The following PATJ variants were observed in gnomAD, a reference collection of about 807,000 sequenced individuals.
PATJ encodes the protein PATJ crumbs cell polarity complex component, also known as inaD-like protein.
PATJ carries 190 observed loss-of-function variants against 224.9 expected under a neutral mutation model. That is an observed-to-expected ratio of 0.84 (90% CI 0.75 to 0.95). The LOEUF is 0.95. PATJ is among the 40% of genes least tolerant of loss of function. The probability of loss-of-function intolerance (pLI) is 0.00; values close to 1 mark genes in which losing one functional copy is unlikely to be tolerated. For synonymous variants in PATJ, 769 were observed against 820.3 expected (o/e 0.94, Z 1.07); for missense variants, 2,121 against 2,270.3 (o/e 0.93, Z 1.34).
intron 33 of PATJ, chr1:62,100,490 C>T: frequency 1.5e-6 from 1 of 680,970 alleles, no homozygotes; most frequent in Non-Finnish European, 2.7e-6. Flanking sequence ...ATTAATCCAT[C>T]CTTGAGGGCA....
chr1:61,769,574 C>T (rs976989844), intron 5 of PATJ, 152 bp downstream of exon 5: 8 of 756,602 alleles, frequency 1.1e-5, no homozygotes, highest in East Asian at 5.3e-5. Context: ...AGGCCTTTTG[C>T]GAAAATCCTA....
At chr1:61,897,106 A>G (rs1361188180) in intron 22 of PATJ, among the ~76,000 whole-genome samples, 4 of 152,202 alleles carry the variant, frequency 2.6e-5, no homozygotes, top group Non-Finnish European at 5.9e-5. Flanking sequence ...GATTTTTGTT[A>G]TAAGTTCAAG....
chr1:61,777,724 T>TTTTTTTTTTTTTTTTTTTTC (rs765662896), intron 7 of PATJ, among the ~76,000 whole-genome samples: 42 of 106,032 alleles, frequency 4.0e-4, no homozygotes, highest in African/African-American at 7.1e-4. Flanking sequence ...TTTTTTTTTT[T>TTTTTTTTTTTTTTTTTTTTC]TTTAGCATAG....
At chr1:62,137,315 A>T (rs1188836284) in intron 41 of PATJ, among the ~76,000 whole-genome samples, 1 of 147,930 alleles carries the variant, frequency 6.8e-6, no homozygotes, top group African/African-American at 2.5e-5. Flanking sequence ...CAGAGGGAGA[A>T]CCCTGTTGGA....
intron 9 of PATJ, among the ~76,000 whole-genome samples, chr1:61,791,766 A>C (rs1202004410): frequency 6.6e-6 from 1 of 152,142 alleles, no homozygotes; most frequent in African/African-American, 2.4e-5. Context: ...GATTTGTGAT[A>C]ATTAAATTGA....
At chr1:61,765,616 C>T (rs994435417) in intron 3 of PATJ, among the ~76,000 whole-genome samples, 2 of 152,056 alleles carry the variant, frequency 1.3e-5, no homozygotes, top group Non-Finnish European at 2.9e-5. Flanking sequence ...TACCTTTATT[C>T]TACTGTTTTG....
rs1391269134 is a variant in PATJ at position 61,864,594 on chromosome 1, C to T, written c.2796C>T (p.Ser932=). The T allele has an allele frequency of 1.2e-6, 2 of 1,605,436 alleles. No homozygotes were observed. Among genetic ancestry groups the T allele is most frequent in the Non-Finnish European group, 1.7e-6 (2 of 1,176,880 alleles). Residue 932 remains serine, a synonymous_variant, in exon 20 of 44, where the codon TCC becomes TCT. Coordinates refer to ENST00000642238, the MANE Select transcript of PATJ (RefSeq NM_001350145.3). The part of the protein sequence containing the change: ...QEARTGRTVY[S]QEAQPYGYCP... ...CAAGAACCGGGAGGACTGTCTATTC[C>T]CAGGAGGCACAGCCGTATGGCTATT...
chr1:61,939,920 C>A (rs180906856), intron 27 of PATJ, among the ~76,000 whole-genome samples: 1,616 of 151,812 alleles, frequency 0.011, 31 homozygotes, highest in African/African-American at 0.037. Flanking sequence ...GTGATCCGCC[C>A]GCCTCGGCCT....
chr1:61,838,403 G>A (rs1045024175), intron 17 of PATJ, among the ~76,000 whole-genome samples: 9 of 151,174 alleles, frequency 6.0e-5, no homozygotes, highest in African/African-American at 2.2e-4. Context: ...CGCCCAGGCT[G>A]GAGTGCAGTG....
intron 27 of PATJ, among the ~76,000 whole-genome samples, chr1:61,937,247 C>T (rs568670303): frequency 1.1e-4 from 16 of 151,484 alleles, no homozygotes; most frequent in Admixed American, 2.6e-4. Context: ...TTTCTTTTTT[C>T]GTTTTGAGAC....
intron 33 of PATJ, among the ~76,000 whole-genome samples, chr1:62,098,358 C>CAAAAAA (rs57285107): frequency 0.028 from 3,403 of 123,268 alleles, 80 homozygotes; most frequent in Middle Eastern, 0.072. Context: ...GACTCCATCT[C>CAAAAAA]AAAAAAAAAA....
At chr1:61,972,494 G>A (rs1683120808) in intron 27 of PATJ, among the ~76,000 whole-genome samples, 1 of 152,034 alleles carries the variant, frequency 6.6e-6, no homozygotes, top group Admixed American at 6.5e-5. Context: ...GCTATGTACT[G>A]TGTCGCTTTG....
chr1:62,057,529 G>A (rs1654753872), intron 31 of PATJ, among the ~76,000 whole-genome samples: 1 of 152,194 alleles, frequency 6.6e-6, no homozygotes, highest in Non-Finnish European at 1.5e-5. Context: ...TGCCCTGGTT[G>A]AGAGTTGATT....
chr1:61,947,980 A>C (rs1410577947), intron 27 of PATJ, among the ~76,000 whole-genome samples: 1 of 152,212 alleles, frequency 6.6e-6, no homozygotes, highest in Non-Finnish European at 1.5e-5. Context: ...TCCCTATTTA[A>C]TAAATGGTGC....
intron 28 of PATJ, chr1:61,991,746 TAAAGTC>T: frequency 1.0e-6 from 1 of 984,404 alleles, no homozygotes; most frequent in Non-Finnish European, 1.2e-6. Flanking sequence ...ATTACATAAA[TAAAGTC>T]AAAGATGACC....
chr1:61,900,035 T>TC (rs1207197722), intron 23 of PATJ, among the ~76,000 whole-genome samples: 1 of 152,114 alleles, frequency 6.6e-6, no homozygotes, highest in African/African-American at 2.4e-5. Context: ...ATCTCTACCT[T>TC]CCTCCCCTGG....
intron 28 of PATJ, among the ~76,000 whole-genome samples, chr1:62,015,497 CAG>C (rs774535569): frequency 6.6e-6 from 1 of 152,002 alleles, no homozygotes; most frequent in Non-Finnish European, 1.5e-5. Context: ...AGAGAACTGA[CAG>C]TGTGGAAATC....
chr1:61,959,520 G>C (rs1312407252), intron 27 of PATJ, among the ~76,000 whole-genome samples: 1 of 145,948 alleles, frequency 6.9e-6, no homozygotes, highest in Non-Finnish European at 1.5e-5. Flanking sequence ...CTGCAGCCTC[G>C]ACCCACCAGG....
intron 12 of PATJ, among the ~76,000 whole-genome samples, chr1:61,805,110 G>A (rs192218622): frequency 1.3e-5 from 2 of 152,262 alleles, no homozygotes; most frequent in Admixed American, 1.3e-4. Flanking sequence ...AAAGCCACAT[G>A]CATTTTACTT....
Sources: allele counts gnomAD v4.1 joint callset (sites outside exome capture counted in the v4.1 genomes callset), GRCh38; gene constraint gnomAD v4.1.1; transcripts MANE v1.5; gene names NCBI Gene and HGNC (gene_info 2026-07-23, HGNC 2026-07-21).